DSCAML1: variants seen among roughly 807,000 people sequenced by gnomAD.
DSCAML1 encodes the protein cell adhesion molecule DSCAML1.
In DSCAML1, 38 loss-of-function variants were observed where a neutral mutation model predicts 200.5. The ratio of observed to expected loss-of-function variants is 0.19; its 90% CI spans 0.15 to 0.25. The LOEUF (loss-of-function observed/expected upper bound fraction) is 0.25, where lower values mean the gene tolerates loss of function less well. Among genes scored for constraint, DSCAML1 ranks in the 10% least tolerant of loss-of-function variants. DSCAML1 has a pLI of 1.00. For synonymous variants in DSCAML1, 1,215 were observed against 1,165.0 expected (o/e 1.04, Z -0.87); for missense variants, 2,223 against 2,858.8 (o/e 0.78, Z 5.07).
intron 3 of DSCAML1, among the ~76,000 whole-genome samples, chr11:117,610,232 T>C (rs1565824498): frequency 6.6e-6 from 1 of 152,212 alleles, no homozygotes; most frequent in Non-Finnish European, 1.5e-5. Flanking sequence ...TCTTTTCCTG[T>C]TGAGTCAATG....
intron 3 of DSCAML1, among the ~76,000 whole-genome samples, chr11:117,637,456 C>T (rs1045033174): frequency 5.9e-5 from 9 of 151,874 alleles, no homozygotes; most frequent in African/African-American, 2.2e-4. Flanking sequence ...AGTGATTCTC[C>T]TGCCTCAGCC....
chr11:117,614,721 C>G (rs77333821), intron 3 of DSCAML1, among the ~76,000 whole-genome samples: 1 of 152,232 alleles, frequency 6.6e-6, no homozygotes, highest in Non-Finnish European at 1.5e-5. Flanking sequence ...CCAGTCCTCA[C>G]AGTGCCCAAC....
At chr11:117,786,464 C>G (rs1046206084) in intron 1 of DSCAML1, among the ~76,000 whole-genome samples, 1 of 152,220 alleles carries the variant, frequency 6.6e-6, no homozygotes, top group Non-Finnish European at 1.5e-5. Flanking sequence ...ACCGCTGAAA[C>G]CTAAGTATCC....
chr11:117,701,033 A>G (rs1362576084), intron 3 of DSCAML1, among the ~76,000 whole-genome samples: 2 of 152,224 alleles, frequency 1.3e-5, no homozygotes, highest in African/African-American at 4.8e-5. Flanking sequence ...TGGGAGGCTG[A>G]GGCGTGTGGA....
At chr11:117,768,722 G>A (rs1048858449) in intron 3 of DSCAML1, among the ~76,000 whole-genome samples, 1 of 152,138 alleles carries the variant, frequency 6.6e-6, no homozygotes, top group African/African-American at 2.4e-5. Context: ...TGATTAAACT[G>A]AGGCTTTGGA....
chr11:117,590,219 T>TG (rs928054054), intron 3 of DSCAML1, among the ~76,000 whole-genome samples: 3 of 152,108 alleles, frequency 2.0e-5, no homozygotes, highest in African/African-American at 7.2e-5. Context: ...AAAAGAGCCT[T>TG]GCTCTGTTGC....
chr11:117,463,231 G>A lies in DSCAML1; in HGVS notation c.3266-1635C>T, dbSNP rs541338159. Reference sequence around the variant, plus strand: ...GACTCTGTTGTTTTCTGGATAGATGGTTCTAGATGGTTTAATCTCCTTGAG... The same window carrying A: ...GACTCTGTTGTTTTCTGGATAGATGATTCTAGATGGTTTAATCTCCTTGAG... On this transcript the variant is annotated intron_variant, in intron 17 of 32. Transcript: ENST00000651296. The surrounding 1 kb of genome is among the most constrained non-coding windows in gnomAD (Gnocchi z 4.0). Among the ~76,000 whole-genome samples, 9 of 152,322 alleles carry A rather than the reference G, an allele frequency of 5.9e-5. No homozygotes were observed. Among genetic ancestry groups the A allele is most frequent in the Admixed American group, 4.6e-4 (7 of 15,310 alleles).
At chr11:117,700,510 G>C (rs987104601) in intron 3 of DSCAML1, among the ~76,000 whole-genome samples, 2 of 152,218 alleles carry the variant, frequency 1.3e-5, no homozygotes, top group Non-Finnish European at 2.9e-5. Flanking sequence ...AGAAGCAGGA[G>C]CTCCCAGCCA....
At chr11:117,582,143 T>C (rs2051050473) in intron 3 of DSCAML1, among the ~76,000 whole-genome samples, 1 of 152,220 alleles carries the variant, frequency 6.6e-6, no homozygotes, top group Non-Finnish European at 1.5e-5. Flanking sequence ...TTAAGTTTCA[T>C]TTATTGTCAG....
At chr11:117,604,066 G>A (rs1480132154) in intron 3 of DSCAML1, among the ~76,000 whole-genome samples, 2 of 152,212 alleles carry the variant, frequency 1.3e-5, no homozygotes, top group Non-Finnish European at 2.9e-5. Flanking sequence ...CTGACTCAAA[G>A]TGGTCTTTCT....
rs117441327 is a variant in DSCAML1 at position 117,742,941 on chromosome 11, C to T, written c.511+33850G>A. On this transcript the variant is annotated intron_variant, in intron 3 of 32. Transcript: ENST00000651296. ...CTTGTGATGTTGTGGCCTCAGGTGG[C>T]CTCTCCCTGTCTCCCATGTGTCCCT... is the stretch of plus-strand genomic sequence containing the variant. 2.6e-3 allele frequency among the ~76,000 whole-genome samples: 398 copies of T among 152,224 alleles called. 1 individual carries two copies. The highest frequency in any genetic ancestry group is 3.6e-3 in the Non-Finnish European group (243 of 68,010).
intron 32 of DSCAML1, among the ~76,000 whole-genome samples, chr11:117,430,319 C>T (rs542985540): frequency 9.9e-5 from 15 of 152,138 alleles, no homozygotes; most frequent in Non-Finnish European, 2.2e-4. Context: ...GGCAGCTGAC[C>T]CTGAAGGGAT....
At chr11:117,587,930 G>C (rs2137476504) in intron 3 of DSCAML1, among the ~76,000 whole-genome samples, 1 of 152,214 alleles carries the variant, frequency 6.6e-6, no homozygotes, top group African/African-American at 2.4e-5. Context: ...GGATCTCCAG[G>C]TCTAACATCC....
At chr11:117,435,285 A>G (rs1485541225) in intron 27 of DSCAML1, among the ~76,000 whole-genome samples, 1 of 152,248 alleles carries the variant, frequency 6.6e-6, no homozygotes, top group South Asian at 2.1e-4. Flanking sequence ...GTCCTAGGAA[A>G]GTTGCAGGGA....
At chr11:117,539,720 T>G (rs1419511881) in intron 3 of DSCAML1, among the ~76,000 whole-genome samples, 1 of 151,716 alleles carries the variant, frequency 6.6e-6, no homozygotes, top group African/African-American at 2.4e-5. Flanking sequence ...AGTGTGATGG[T>G]TCCCCCCAAA....
chr11:117,458,669 G>C, intron 19 of DSCAML1, 85 bp downstream of exon 19: 1 of 1,526,478 alleles, frequency 6.6e-7, no homozygotes, highest in Non-Finnish European at 8.8e-7. Context: ...ACAGTACCCT[G>C]CTCTCACCCT....
At chr11:117,618,813 T>A (rs2051865296) in intron 3 of DSCAML1, among the ~76,000 whole-genome samples, 1 of 152,086 alleles carries the variant, frequency 6.6e-6, no homozygotes, top group Non-Finnish European at 1.5e-5. Flanking sequence ...CTACGGAGGC[T>A]GTGTTAAGCG....
intron 3 of DSCAML1, among the ~76,000 whole-genome samples, chr11:117,564,015 A>AG (rs1392184509): frequency 6.6e-6 from 1 of 152,226 alleles, no homozygotes; most frequent in East Asian, 1.9e-4. Context: ...CCAAGGGCGT[A>AG]GTGGCCCAGG....
chr11:117,490,163 C>G (rs565854800), intron 11 of DSCAML1, among the ~76,000 whole-genome samples: 2 of 152,296 alleles, frequency 1.3e-5, no homozygotes, highest in East Asian at 1.9e-4. Flanking sequence ...TCCCCTTGCT[C>G]CAGGGCTCTT....
Sources: gnomAD v4.1 joint callset for allele counts (sites outside exome capture counted in the v4.1 genomes callset) on GRCh38, gnomAD v4.1.1 for gene constraint, Gnocchi (gnomAD v3.1) non-coding constraint, MANE v1.5 for transcripts, NCBI Gene and HGNC (gene_info 2026-07-23, HGNC 2026-07-21) for gene names.